Variants in ST8SIA6 observed in about 807,000 individuals in gnomAD.
ST8SIA6 encodes ST8 alpha-N-acetyl-neuraminide alpha-2,8-sialyltransferase 6, also known as alpha-2,8-sialyltransferase 8F.
ST8SIA6 carries 39 observed loss-of-function variants against 33.6 expected under a neutral mutation model. That is an observed-to-expected ratio of 1.16 (90% CI 0.90 to 1.52). ST8SIA6 has a LOEUF of 1.52. ST8SIA6 is among the 40% of genes most tolerant of loss of function. The pLI, the probability that ST8SIA6 is intolerant of heterozygous loss-of-function variation, is 0.00. For synonymous variants in ST8SIA6, 172 were observed against 167.2 expected (o/e 1.03, Z -0.22); for missense variants, 441 against 443.8 (o/e 0.99, Z 0.06).
intron 3 of ST8SIA6, among the ~76,000 whole-genome samples, chr10:17,375,013 T>C (rs1849863800): frequency 6.9e-6 from 1 of 145,662 alleles, no homozygotes; most frequent in Non-Finnish European, 1.5e-5. Flanking sequence ...CATAGCTCAC[T>C]GCAGCCTCAA....
At chr10:17,417,453 C>T (rs930542048) in intron 2 of ST8SIA6, among the ~76,000 whole-genome samples, 1 of 152,068 alleles carries the variant, frequency 6.6e-6, no homozygotes, top group South Asian at 2.1e-4. Flanking sequence ...GGTCTTAACT[C>T]GAATGTCAAC....
At chr10:17,331,155 C>G (rs572922346) in intron 5 of ST8SIA6, among the ~76,000 whole-genome samples, 1 of 152,266 alleles carries the variant, frequency 6.6e-6, no homozygotes, top group East Asian at 1.9e-4. Flanking sequence ...CCGAGTGTCT[C>G]ATCTCATTCG....
intron 2 of ST8SIA6, among the ~76,000 whole-genome samples, chr10:17,406,436 T>A (rs1315632691): frequency 1.3e-5 from 2 of 152,212 alleles, no homozygotes. Context: ...TTGTTCTTTG[T>A]CGAATATACG....
chr10:17,370,334 T>G (rs751520765), intron 3 of ST8SIA6, among the ~76,000 whole-genome samples: 26 of 152,218 alleles, frequency 1.7e-4, no homozygotes, highest in Non-Finnish European at 3.4e-4. Flanking sequence ...AATTTAATGT[T>G]GTTATTTATA....
chr10:17,398,618 G>A (rs1307330235), intron 2 of ST8SIA6, among the ~76,000 whole-genome samples: 2 of 152,080 alleles, frequency 1.3e-5, no homozygotes, highest in East Asian at 3.8e-4. Context: ...GGCTAAAACT[G>A]GATTGTGAAT....
chr10:17,338,616 A>T (rs1848577621), intron 4 of ST8SIA6, among the ~76,000 whole-genome samples: 1 of 152,220 alleles, frequency 6.6e-6, no homozygotes, highest in Admixed American at 6.5e-5. Context: ...CTATCATACA[A>T]TGTACATATA....
At chr10:17,390,491 T>A (rs1418235169) in intron 3 of ST8SIA6, 40 bp downstream of exon 3, 3 of 1,512,220 alleles carry the variant, frequency 2.0e-6, no homozygotes, top group Non-Finnish European at 2.7e-6. Context: ...AATAAAACCC[T>A]TGTTGTAAAA....
At chr10:17,322,587 A>G (rs997580966) in intron 7 of ST8SIA6, among the ~76,000 whole-genome samples, 6 of 152,334 alleles carry the variant, frequency 3.9e-5, no homozygotes, top group South Asian at 2.1e-4. Flanking sequence ...AAGATTACTT[A>G]TTAGCCAACA....
intron 3 of ST8SIA6, among the ~76,000 whole-genome samples, chr10:17,385,673 A>G (rs557974492): frequency 1.4e-4 from 22 of 152,148 alleles, no homozygotes; most frequent in African/African-American, 5.1e-4. Flanking sequence ...GGAACTGGCT[A>G]TTTTCACTTC....
At chr10:17,327,471 G>A (rs541175268) in intron 5 of ST8SIA6, among the ~76,000 whole-genome samples, 94 of 152,130 alleles carry the variant, frequency 6.2e-4, no homozygotes, top group Non-Finnish European at 1.1e-3. Context: ...CCTGTAATCC[G>A]AGCTACTCGA....
intron 2 of ST8SIA6, among the ~76,000 whole-genome samples, chr10:17,438,274 A>G (rs1852354443): frequency 6.6e-6 from 1 of 152,198 alleles, no homozygotes; most frequent in Non-Finnish European, 1.5e-5. Context: ...TTAGACTCCA[A>G]TTCATTTGCA....
rs558781133 is a variant in ST8SIA6, at chr10:17,326,190, G to A, written c.635+824C>T. Among the ~76,000 whole-genome samples the A allele has an allele frequency of 2.0e-5, 3 of 152,266 alleles. No individual in the cohort carries two copies. The East Asian group carries it at 5.8e-4, about 29-fold the overall frequency. ...GAGGGAGCTGTTTACTAGAAACCCT[G>A]TTTCTTTTTCAATTGCTTAAAAGGG... is the stretch of plus-strand genomic sequence containing the variant. On this transcript the variant is annotated intron_variant, in intron 6 of 7. Transcript: ENST00000377602.
chr10:17,353,545 A>T (rs1453196620), intron 4 of ST8SIA6, among the ~76,000 whole-genome samples: 1 of 152,230 alleles, frequency 6.6e-6, no homozygotes, highest in East Asian at 1.9e-4. Flanking sequence ...CTACAAATAC[A>T]GCACTGGAAT....
chr10:17,453,538 C>CCG (rs2131754997), intron 2 of ST8SIA6, 21 bp downstream of exon 2: 1 of 1,285,276 alleles, frequency 7.8e-7, no homozygotes, highest in East Asian at 3.1e-5. Context: ...CCCAGTCCGC[C>CCG]CGCGCTGGGC....
intron 2 of ST8SIA6, among the ~76,000 whole-genome samples, chr10:17,417,343 C>A (rs562020144): frequency 3.7e-4 from 56 of 152,226 alleles, no homozygotes; most frequent in African/African-American, 1.3e-3. Flanking sequence ...GACAACCATC[C>A]AAACCCTATC....
chr10:17,383,579 T>C (rs186055093), intron 3 of ST8SIA6, among the ~76,000 whole-genome samples: 38 of 152,340 alleles, frequency 2.5e-4, no homozygotes, highest in Non-Finnish European at 4.1e-4. Context: ...AAAACTTCTT[T>C]TTCATCCATG....
chr10:17,361,490 A>G (rs956041999), intron 3 of ST8SIA6, among the ~76,000 whole-genome samples: 16 of 148,308 alleles, frequency 1.1e-4, no homozygotes, highest in Non-Finnish European at 2.1e-4. Flanking sequence ...AATAATATTG[A>G]TTTTGTAATT....
At chr10:17,336,099 T>C (rs895550776) in intron 4 of ST8SIA6, among the ~76,000 whole-genome samples, 3 of 151,786 alleles carry the variant, frequency 2.0e-5, no homozygotes, top group African/African-American at 7.3e-5. Flanking sequence ...GGGACTACAG[T>C]CGTGCACCGA....
chr10:17,433,572 C>T (rs889282374), intron 2 of ST8SIA6, among the ~76,000 whole-genome samples: 3 of 152,178 alleles, frequency 2.0e-5, no homozygotes, highest in Admixed American at 1.3e-4. Flanking sequence ...GCCACTCAAC[C>T]AGGTATCCAC....
Sources: allele counts gnomAD v4.1 joint callset (sites outside exome capture counted in the v4.1 genomes callset), GRCh38; gene constraint gnomAD v4.1.1; transcripts MANE v1.5; gene names NCBI Gene and HGNC (gene_info 2026-07-23, HGNC 2026-07-21).